Variants in SLC4A8 observed in about 807,000 individuals in gnomAD.
SLC4A8 encodes electroneutral sodium bicarbonate exchanger 1.
A neutral mutation model predicts 125.0 loss-of-function variants in SLC4A8; 40 were observed. That is an observed-to-expected ratio of 0.32 (90% CI 0.25 to 0.42). SLC4A8 has a LOEUF of 0.42. SLC4A8 is among the 10% of genes least tolerant of loss of function. The pLI is 1.00. For missense variants in SLC4A8, 863 were observed against 1,355.1 expected (o/e 0.64, Z 5.70); for synonymous variants, 456 against 476.0 (o/e 0.96, Z 0.55).
intron 2 of SLC4A8, among the ~76,000 whole-genome samples, chr12:51,450,428 A>G (rs926727204): frequency 1.3e-5 from 2 of 152,176 alleles, no homozygotes; most frequent in African/African-American, 4.8e-5. Context: ...TGAATGATGG[A>G]ATTGAGTTTT....
At chr12:51,495,739 C>T (rs1197922372) in intron 21 of SLC4A8, among the ~76,000 whole-genome samples, 1 of 152,008 alleles carries the variant, frequency 6.6e-6, no homozygotes, top group Non-Finnish European at 1.5e-5. Context: ...GTCTCAACCT[C>T]CCAAAGTGCT....
rs532735266 is a variant in SLC4A8, at chr12:51,424,971, C to A, written c.-17C>A. 6 of 1,551,766 alleles carry A rather than the reference C, an allele frequency of 3.9e-6. No individual in the cohort carries two copies. The South Asian group carries it at 5.9e-5, about 15-fold the overall frequency. On this transcript the variant is annotated 5_prime_UTR_variant, in exon 1 of 25. Coordinates refer to ENST00000453097, the MANE Select transcript of SLC4A8 (RefSeq NM_001039960.3). Reference sequence around the variant, plus strand: ...CTTGGCTTGGAGCCCGTGGGGGAGACCTAGTTCGGCTCCGCCATGCCGGCC... The same window carrying A: ...CTTGGCTTGGAGCCCGTGGGGGAGAACTAGTTCGGCTCCGCCATGCCGGCC...
At chr12:51,486,429 C>A (rs1053906683) in intron 17 of SLC4A8, among the ~76,000 whole-genome samples, 1 of 152,220 alleles carries the variant, frequency 6.6e-6, no homozygotes, top group East Asian at 1.9e-4. Flanking sequence ...CATGACATCT[C>A]TTTCGAAATC....
Position 51,504,214 on chromosome 12 carries a change from GC to G in SLC4A8, c.3173+95del, listed in dbSNP as rs1938067275. 10 of 745,484 alleles carry G rather than the reference GC, an allele frequency of 1.3e-5. No homozygotes were observed. In the East Asian group the frequency reaches 2.7e-4, roughly 20 times the overall value. The allele number at this position is 745,484 out of a possible 1,614,324, so 46.2% of individuals were successfully genotyped here. ...GGTGGTGTCACAAGTGCAGCTGCTG[GC>G]ATAAAGAGCTAAATATTCAGCCTCC... On this transcript the variant is annotated intron_variant, in intron 23 of 24. Coordinates refer to ENST00000453097, the MANE Select transcript of SLC4A8 (RefSeq NM_001039960.3).
upstream of SLC4A8, among the ~76,000 whole-genome samples, chr12:51,421,190 C>T (rs1412283892): frequency 6.6e-6 from 1 of 152,170 alleles, no homozygotes; most frequent in East Asian, 1.9e-4. Context: ...GAGGTGATGT[C>T]CTTGGCTGAA....
rs1938410126 is a variant in SLC4A8 at position 51,512,745 on chromosome 12, T to C, written c.*5307T>C. The C allele has an allele frequency of 6.6e-6, 1 of 152,210 alleles. No homozygotes were observed. The highest frequency in any genetic ancestry group is 2.4e-5 in the African/African-American group (1 of 41,454). 9.4% of individuals were successfully genotyped at this position (152,210 alleles called of 1,614,324 possible). On this transcript the variant is annotated 3_prime_UTR_variant, in exon 25 of 25. Transcript: ENST00000453097. The stretch of plus-strand genomic sequence containing the variant: ...TTGTTACTACTAGTCTTTGTGTACC[T>C]ATCTGGAGGGACATTAAAAAAATAT...
intron 2 of SLC4A8, among the ~76,000 whole-genome samples, chr12:51,446,558 T>C (rs1456324585): frequency 1.3e-5 from 2 of 152,158 alleles, no homozygotes; most frequent in East Asian, 3.9e-4. Flanking sequence ...AAGAAGAAGA[T>C]AAAGAGTTGG....
intron 2 of SLC4A8, among the ~76,000 whole-genome samples, chr12:51,444,460 C>T (rs1202852801): frequency 1.3e-5 from 2 of 151,974 alleles, no homozygotes; most frequent in African/African-American, 4.8e-5. Flanking sequence ...GGCTAATGTT[C>T]GTGATAATTG....
At chr12:51,432,136 C>T (rs554757383) in intron 1 of SLC4A8, among the ~76,000 whole-genome samples, 9 of 152,156 alleles carry the variant, frequency 5.9e-5, no homozygotes, top group African/African-American at 1.7e-4. Context: ...GGGCCAGGCG[C>T]GGTGGCTCAC....
upstream of SLC4A8, among the ~76,000 whole-genome samples, chr12:51,424,048 A>AG (rs1948866317): frequency 3.9e-5 from 2 of 51,918 alleles, no homozygotes; most frequent in East Asian, 1.1e-3. Flanking sequence ...AAAAAAAAAA[A>AG]AAAAACAAAA....
At chr12:51,453,015 T>C (rs995771965) in intron 4 of SLC4A8, among the ~76,000 whole-genome samples, 4 of 152,210 alleles carry the variant, frequency 2.6e-5, no homozygotes, top group Non-Finnish European at 5.9e-5. Flanking sequence ...ACAGGCCAAT[T>C]GACCTGGTAC....
At chr12:51,431,063 C>T (rs1194783736) in intron 1 of SLC4A8, among the ~76,000 whole-genome samples, 1 of 152,126 alleles carries the variant, frequency 6.6e-6, no homozygotes, top group Non-Finnish European at 1.5e-5. Flanking sequence ...GATCTGTTTC[C>T]TCGCCTTTTC....
chr12:51,471,981 T>C (rs995470412), intron 14 of SLC4A8, among the ~76,000 whole-genome samples: 3 of 152,200 alleles, frequency 2.0e-5, no homozygotes, highest in Admixed American at 1.3e-4. Context: ...TTAGGAATTA[T>C]TAGGTGAAGA....
rs189028382 is a variant in SLC4A8, at chr12:51,449,289, T to A, written c.131-1587T>A. Reference sequence around the variant, plus strand: ...TTGTCTCTACTAAAAATCAAAAAAATTAGCTGGGCGTGGTGGTACACGCCT... The same window carrying A: ...TTGTCTCTACTAAAAATCAAAAAAAATAGCTGGGCGTGGTGGTACACGCCT... On this transcript the variant is annotated intron_variant, in intron 2 of 24. Transcript: ENST00000453097. 7.8e-4 allele frequency among the ~76,000 whole-genome samples: 118 copies of A among 151,840 alleles called. 2 individuals are homozygous for A. The highest frequency in any genetic ancestry group is 5.9e-4 in the Admixed American group (9 of 15,262).
chr12:51,404,697 A>AAGAT (rs1948455188), intron 1 of SLC4A8, among the ~76,000 whole-genome samples: 1 of 152,196 alleles, frequency 6.6e-6, no homozygotes, highest in African/African-American at 2.4e-5. Context: ...AAAGCAGAGA[A>AAGAT]AGATAAAGAA....
At chr12:51,453,814 C>G (rs1950043245) in intron 5 of SLC4A8, 115 bp downstream of exon 5, 1 of 782,702 alleles carries the variant, frequency 1.3e-6, no homozygotes, top group Non-Finnish European at 1.9e-6. Context: ...TTGGGCAAGC[C>G]ACAACCTTCC....
intron 11 of SLC4A8, among the ~76,000 whole-genome samples, chr12:51,468,627 G>A (rs1228475848): frequency 1.3e-5 from 2 of 152,164 alleles, no homozygotes; most frequent in Admixed American, 1.3e-4. Context: ...GGGCATGGTG[G>A]CAGGTGCCTG....
At chr12:51,457,275 C>G in intron 5 of SLC4A8, 76 bp from the exon 6 acceptor site, 1 of 1,283,092 alleles carries the variant, frequency 7.8e-7, no homozygotes, top group South Asian at 1.4e-5. Flanking sequence ...GCCCTTTACC[C>G]CACTCCACCT....
At chr12:51,397,676 T>A (rs1423573078) in intron 1 of SLC4A8, among the ~76,000 whole-genome samples, 14 of 152,240 alleles carry the variant, frequency 9.2e-5, no homozygotes, top group Admixed American at 7.8e-4. Flanking sequence ...TCTTTTTCTA[T>A]GCATATATGA....
Sources: gnomAD v4.1 joint callset for allele counts (sites outside exome capture counted in the v4.1 genomes callset) on GRCh38, gnomAD v4.1.1 for gene constraint, MANE v1.5 for transcripts, NCBI Gene and HGNC (gene_info 2026-07-23, HGNC 2026-07-21) for gene names.